Variants in ATP11B observed in about 807,000 individuals in gnomAD.
ATP11B encodes ATPase phospholipid transporting 11B (putative), also known as phospholipid-transporting ATPase IF.
ATP11B carries 81 observed loss-of-function variants against 157.8 expected under a neutral mutation model. The ratio of observed to expected loss-of-function variants is 0.51; its 90% CI spans 0.43 to 0.62. The LOEUF (loss-of-function observed/expected upper bound fraction) is 0.62, where lower values mean the gene tolerates loss of function less well. Ranked by LOEUF, ATP11B falls within the 20% of genes least tolerant of loss-of-function variation. The probability of loss-of-function intolerance (pLI) is 0.00; values close to 1 mark genes in which losing one functional copy is unlikely to be tolerated. For missense variants in ATP11B, 1,165 were observed against 1,402.2 expected, an observed-to-expected ratio of 0.83 and a Z score of 2.70; for synonymous variants, 451 against 469.4, an observed-to-expected ratio of 0.96 and a Z score of 0.51.
chr3:182,829,542 G>A, intron 3 of ATP11B, 130 bp from the exon 4 acceptor site: 1 of 677,812 alleles, frequency 1.5e-6, no homozygotes, highest in Non-Finnish European at 2.5e-6. Flanking sequence ...CCACATAATA[G>A]CCAACAAAGT....
At chr3:182,853,225 T>G (rs1049019798) in intron 10 of ATP11B, among the ~76,000 whole-genome samples, 2 of 152,218 alleles carry the variant, frequency 1.3e-5, no homozygotes, top group Admixed American at 6.5e-5. Flanking sequence ...TTTTATTTTT[T>G]TGAGACAGAG....
At chr3:182,829,954 G>A (rs1718003856) in intron 4 of ATP11B, 4 of 985,032 alleles carry the variant, frequency 4.1e-6, no homozygotes, top group Middle Eastern at 5.2e-4. Context: ...GATTAACATC[G>A]TTAAAATATG....
chr3:182,826,418 C>T (rs2108503049), intron 2 of ATP11B, among the ~76,000 whole-genome samples: 1 of 152,290 alleles, frequency 6.6e-6, no homozygotes, highest in African/African-American at 2.4e-5. Flanking sequence ...TAGGAGACTT[C>T]CAACCTTCCT....
chr3:182,897,175 T>C (rs1418790797), intron 26 of ATP11B, 128 bp from the exon 27 acceptor site: 1 of 550,180 alleles, frequency 1.8e-6, no homozygotes, highest in Non-Finnish European at 3.2e-6. Flanking sequence ...CTCTGAGGGA[T>C]TTTGAGGGAT....
At chr3:182,892,305 C>T (rs1577086764) in intron 25 of ATP11B, among the ~76,000 whole-genome samples, 1 of 152,216 alleles carries the variant, frequency 6.6e-6, no homozygotes, top group Admixed American at 6.5e-5. Context: ...TCCTTTTAGA[C>T]ATCTGTCTAG....
At chr3:182,802,993 A>C (rs1716104542) in intron 1 of ATP11B, among the ~76,000 whole-genome samples, 1 of 152,112 alleles carries the variant, frequency 6.6e-6, no homozygotes, top group South Asian at 2.1e-4. Context: ...AGCCAATCTT[A>C]TGGGGGGTTC....
intron 15 of ATP11B, among the ~76,000 whole-genome samples, chr3:182,868,353 G>A (rs1009386510): frequency 6.8e-6 from 1 of 147,694 alleles, no homozygotes; most frequent in Non-Finnish European, 1.5e-5. Context: ...TACTAGATAG[G>A]GCCCATTCTT....
intron 28 of ATP11B, chr3:182,905,674 T>C: frequency 4.7e-6 from 2 of 428,840 alleles, no homozygotes; most frequent in Middle Eastern, 3.4e-4. Context: ...TGTACTGTTC[T>C]TTGAACATTC....
intron 4 of ATP11B, among the ~76,000 whole-genome samples, 171 bp from the exon 5 acceptor site, chr3:182,835,864 T>A (rs1258373436): frequency 6.6e-6 from 1 of 152,110 alleles, no homozygotes; most frequent in East Asian, 1.9e-4. Context: ...AAGAAGCAAG[T>A]GTTTCCAGTA....
At chr3:182,830,413 T>C (rs774290956) in intron 4 of ATP11B, among the ~76,000 whole-genome samples, 3 of 151,986 alleles carry the variant, frequency 2.0e-5, no homozygotes, top group South Asian at 2.1e-4. Flanking sequence ...CCTGGGGAAA[T>C]ATTTTCAATC....
At chr3:182,879,726 T>A in intron 20 of ATP11B, 77 bp downstream of exon 20, 1 of 1,334,842 alleles carries the variant, frequency 7.5e-7, no homozygotes, top group Non-Finnish European at 1.0e-6. Flanking sequence ...ATGCCTTACA[T>A]AGTTCCATTT....
chr3:182,905,175 C>A (rs1471018768), intron 28 of ATP11B, among the ~76,000 whole-genome samples: 2 of 152,062 alleles, frequency 1.3e-5, no homozygotes, highest in African/African-American at 4.8e-5. Flanking sequence ...GTTTTTTATT[C>A]ATTAAGGACA....
rs1719711886 is a variant in ATP11B, at chr3:182,848,481, G to A, written c.775G>A (p.Ala259Thr). 1 of 1,529,850 alleles carries A rather than the reference G, an allele frequency of 6.5e-7. No homozygotes were observed. The highest frequency in any genetic ancestry group is 8.8e-7 in the Non-Finnish European group (1 of 1,134,196). The allele number at this position is 1,529,850 out of a possible 1,614,324, so 94.8% of individuals were successfully genotyped here. A position where few individuals can be genotyped will look rare whatever the true frequency, so the allele number is the denominator to read the frequency against. ...AATTTTGTTTTATTTTACAGGTGTT[G>A]CGGTATACACTGGAATGGAAACTAA... is the stretch of plus-strand genomic sequence containing the variant. Reference protein sequence around the residue: ...LKNTKEIFGVAVYTGMETKMA... With the variant: ...LKNTKEIFGVTVYTGMETKMA... The change falls in exon 10 of 30, where the codon GCG (alanine) becomes ACG (threonine). Residue 259 changes from alanine (A) to threonine (T), a missense_variant. This residue lies in a region of ATP11B where 737 missense variants were observed against 930.5 expected (regional missense o/e 0.79). Transcript: ENST00000323116.
chr3:182,820,629 A>G (rs1275102588), intron 2 of ATP11B, among the ~76,000 whole-genome samples: 1 of 152,138 alleles, frequency 6.6e-6, no homozygotes, highest in Non-Finnish European at 1.5e-5. Flanking sequence ...TGATTGTGCC[A>G]CTGCACTCCA....
At chr3:182,871,363 CT>C (rs1186552487) in intron 17 of ATP11B, among the ~76,000 whole-genome samples, 1 of 152,114 alleles carries the variant, frequency 6.6e-6, no homozygotes, top group Non-Finnish European at 1.5e-5. Context: ...AGAAAAGGAA[CT>C]TTTATAAGTC....
chr3:182,829,586 C>G, intron 3 of ATP11B, 86 bp from the exon 4 acceptor site: 1 of 925,312 alleles, frequency 1.1e-6, no homozygotes, highest in Non-Finnish European at 1.7e-6. Flanking sequence ...AGTATACTCA[C>G]TGTGTAATGT....
intron 1 of ATP11B, among the ~76,000 whole-genome samples, chr3:182,798,724 A>G (rs1348371715): frequency 6.6e-6 from 1 of 152,238 alleles, no homozygotes; most frequent in Non-Finnish European, 1.5e-5. Context: ...AAATGTAGGC[A>G]CTTGAAGTGT....
intron 1 of ATP11B, among the ~76,000 whole-genome samples, chr3:182,802,211 A>G (rs1416774906): frequency 2.0e-5 from 3 of 152,124 alleles, no homozygotes; most frequent in Non-Finnish European, 4.4e-5. Context: ...ACCACCCTCA[A>G]CTAAACTACT....
intron 12 of ATP11B, among the ~76,000 whole-genome samples, chr3:182,861,065 C>CTTTTT (rs35183352): frequency 2.2e-5 from 3 of 137,420 alleles, no homozygotes; most frequent in African/African-American, 8.2e-5. Flanking sequence ...AACAATAATA[C>CTTTTT]TTTTTTTTTT....
Sources: allele counts gnomAD v4.1 joint callset (sites outside exome capture counted in the v4.1 genomes callset), GRCh38; gene constraint gnomAD v4.1.1; regional missense constraint gnomAD v4.1.1; transcripts MANE v1.5; gene names NCBI Gene and HGNC (gene_info 2026-07-23, HGNC 2026-07-21).